Variants in BRD10 observed in about 807,000 individuals in gnomAD.
BRD10 encodes bromodomain containing 10, also known as uncharacterized bromodomain-containing protein 10.
At chr9:5,898,309 G>A in the BRD10 span, 1 of 152,528 alleles carries the variant, frequency 6.6e-6, no homozygotes, top group Non-Finnish European at 1.5e-5. Context: ...GCCTCCCAAA[G>A]TGTTGGGACT....
At chr9:5,949,981 C>T in the BRD10 span, among the ~76,000 whole-genome samples, 1 of 152,078 alleles carries the variant, frequency 6.6e-6, no homozygotes, top group African/African-American at 2.4e-5. Flanking sequence ...GATATAAAAG[C>T]TTAAATCACC....
the BRD10 span, among the ~76,000 whole-genome samples, chr9:5,964,292 A>G: frequency 4.0e-5 from 6 of 149,934 alleles, no homozygotes; most frequent in African/African-American, 7.3e-5. Flanking sequence ...GCAGCCAAAA[A>G]ACACATGAAA....
the BRD10 span, among the ~76,000 whole-genome samples, chr9:5,936,342 G>A: frequency 5.9e-5 from 9 of 152,162 alleles, no homozygotes; most frequent in Non-Finnish European, 1.2e-4. Flanking sequence ...GTGACAGAGT[G>A]AGACCCTGTC....
the BRD10 span, among the ~76,000 whole-genome samples, chr9:5,935,505 G>T: frequency 6.6e-6 from 1 of 152,170 alleles, no homozygotes; most frequent in African/African-American, 2.4e-5. Context: ...CATTTACAAA[G>T]AATGAACCGT....
chr9:5,937,667 C>T, the BRD10 span, among the ~76,000 whole-genome samples: 37 of 152,196 alleles, frequency 2.4e-4, no homozygotes, highest in African/African-American at 8.9e-4. Flanking sequence ...TAACTCCCTG[C>T]CTGATGTAAA....
the BRD10 span, chr9:6,007,850 G>C: frequency 7.3e-7 from 1 of 1,376,234 alleles, no homozygotes; most frequent in Non-Finnish European, 9.3e-7. Context: ...GGACGCGTGA[G>C]CGCGAGCCGC....
the BRD10 span, chr9:5,921,619 T>C: frequency 1.1e-5 from 17 of 1,614,034 alleles, no homozygotes; most frequent in Admixed American, 3.3e-5. Flanking sequence ...CTCCATTTGT[T>C]GCTGCTGTTG....
chr9:5,996,114 T>C, the BRD10 span, among the ~76,000 whole-genome samples: 1 of 152,240 alleles, frequency 6.6e-6, no homozygotes, highest in African/African-American at 2.4e-5. Context: ...GATACTGATT[T>C]AGGAGCCCTT....
At chr9:6,006,391 T>G in the BRD10 span, among the ~76,000 whole-genome samples, 1 of 152,218 alleles carries the variant, frequency 6.6e-6, no homozygotes, top group East Asian at 1.9e-4. Flanking sequence ...AAACATTGAA[T>G]TTTTCCACTC....
chr9:5,994,500 T>C, the BRD10 span, among the ~76,000 whole-genome samples: 1 of 152,204 alleles, frequency 6.6e-6, no homozygotes, highest in Non-Finnish European at 1.5e-5. Context: ...CCTTCTATTT[T>C]CCCAGTCATT....
the BRD10 span, chr9:6,007,044 C>A: frequency 1.3e-6 from 1 of 779,150 alleles, no homozygotes; most frequent in Non-Finnish European, 2.0e-6. Flanking sequence ...CCGGTCCCCG[C>A]CCAGCGCCGC....
chr9:5,916,480 C>G, the BRD10 span, among the ~76,000 whole-genome samples: 4 of 150,894 alleles, frequency 2.7e-5, no homozygotes, highest in Admixed American at 6.6e-5. Flanking sequence ...TAGTATTACA[C>G]ATGTATGTGT....
the BRD10 span, among the ~76,000 whole-genome samples, chr9:5,901,947 A>G: frequency 6.6e-6 from 1 of 152,184 alleles, no homozygotes; most frequent in Non-Finnish European, 1.5e-5. Flanking sequence ...TTGCATCTGT[A>G]TTCATGAGTG....
the BRD10 span, among the ~76,000 whole-genome samples, chr9:5,928,665 C>A: frequency 6.6e-6 from 1 of 152,292 alleles, no homozygotes; most frequent in East Asian, 1.9e-4. Flanking sequence ...TTCCTCATTT[C>A]TTTAAGGTCT....
At chr9:5,965,007 G>A in the BRD10 span, among the ~76,000 whole-genome samples, 1 of 138,136 alleles carries the variant, frequency 7.2e-6, no homozygotes, top group Non-Finnish European at 1.5e-5. Context: ...GTATACATAT[G>A]TAACTAACCT....
At chr9:5,996,601 G>C in the BRD10 span, among the ~76,000 whole-genome samples, 3 of 152,116 alleles carry the variant, frequency 2.0e-5, no homozygotes, top group African/African-American at 4.8e-5. Flanking sequence ...AAAGTGCTGG[G>C]ATTATAGGCA....
the BRD10 span, among the ~76,000 whole-genome samples, chr9:5,936,773 A>AT: frequency 0.011 from 1,637 of 152,304 alleles, 15 homozygotes; most frequent in Middle Eastern, 0.02. Context: ...TGTAAAGCTC[A>AT]TTTTTTTACC....
the BRD10 span, among the ~76,000 whole-genome samples, chr9:5,959,739 C>T: frequency 6.6e-6 from 1 of 152,154 alleles, no homozygotes; most frequent in Admixed American, 6.5e-5. Flanking sequence ...CTGTAGATTA[C>T]ATTACCTTCT....
At chr9:5,958,021 C>A in the BRD10 span, among the ~76,000 whole-genome samples, 2 of 152,094 alleles carry the variant, frequency 1.3e-5, no homozygotes. Context: ...TATAATTATG[C>A]TGAAATCAGA....
Sources: allele counts gnomAD v4.1 joint callset (sites outside exome capture counted in the v4.1 genomes callset), GRCh38; gene constraint gnomAD v4.1.1; transcripts MANE v1.5; gene names NCBI Gene and HGNC (gene_info 2026-07-23, HGNC 2026-07-21).